Variants in STRBP observed in about 807,000 individuals in gnomAD.
The protein encoded by STRBP is spermatid perinuclear RNA binding protein.
A neutral mutation model predicts 80.1 loss-of-function variants in STRBP; 13 were observed. That is an observed-to-expected ratio of 0.16 (90% CI 0.11 to 0.26). The LOEUF (loss-of-function observed/expected upper bound fraction) is 0.26, where lower values mean the gene tolerates loss of function less well. STRBP is among the 10% of genes least tolerant of loss of function. STRBP has a pLI of 1.00. For missense variants in STRBP, 485 were observed against 815.2 expected (o/e 0.59, Z 4.93); for synonymous variants, 284 against 291.2 (o/e 0.98, Z 0.25).
At chr9:123,237,807 C>T (rs1195363782) in intron 1 of STRBP, among the ~76,000 whole-genome samples, 1 of 152,194 alleles carries the variant, frequency 6.6e-6, no homozygotes, top group Non-Finnish European at 1.5e-5. Flanking sequence ...AAATCCCAAA[C>T]AGGCACAAGC....
At chr9:123,159,301 C>T in intron 8 of STRBP, 94 bp from the exon 9 acceptor site, 1 of 768,384 alleles carries the variant, frequency 1.3e-6, no homozygotes, top group South Asian at 2.5e-5. Flanking sequence ...CAAGGGAGGC[C>T]AAAGAGTGAA....
Position 123,173,667 on chromosome 9 carries a change from C to T in STRBP, c.390+10G>A. On this transcript the variant is annotated intron_variant, in intron 5 of 18. Transcript: ENST00000348403. ...AAATTCGCCTAGAGGTGCAGTTAAA[C>T]TGTACTCACCTGAATCTGAATAGGA... The T allele has an allele frequency of 6.3e-7, 1 of 1,595,528 alleles. No homozygotes were observed.
intron 2 of STRBP, among the ~76,000 whole-genome samples, chr9:123,220,053 G>T (rs148483879): frequency 0.014 from 2,143 of 152,190 alleles, 51 homozygotes; most frequent in African/African-American, 0.049. Flanking sequence ...ATTCTAAAGG[G>T]TATTCTTCAG....
intron 1 of STRBP, among the ~76,000 whole-genome samples, chr9:123,251,413 G>A (rs758759471): frequency 3.3e-5 from 5 of 152,130 alleles, no homozygotes; most frequent in Non-Finnish European, 1.5e-5. Flanking sequence ...CTTGCCAAAG[G>A]TCACACAGTT....
At chr9:123,256,575 T>A (rs2041036271) in intron 1 of STRBP, among the ~76,000 whole-genome samples, 2 of 152,026 alleles carry the variant, frequency 1.3e-5, no homozygotes, top group South Asian at 4.1e-4. Flanking sequence ...GAAATAAATG[T>A]GAGCTATATA....
intron 2 of STRBP, among the ~76,000 whole-genome samples, chr9:123,192,888 A>T (rs2038971990): frequency 1.3e-5 from 2 of 152,186 alleles, no homozygotes; most frequent in South Asian, 4.1e-4. Flanking sequence ...TCAAATATTC[A>T]GTGGCATCCA....
Position 123,235,293 on chromosome 9 carries a change from GT to G in STRBP, c.-165+1536del, listed in dbSNP as rs201832130. ...GAAGGATAAGCCTTTTTTAATTTAG[GT>G]TTTTTTTTTTCATTTTGCAAATAAA... On this transcript the variant is annotated intron_variant, in intron 2 of 18. Transcript: ENST00000348403. 1.0e-2 allele frequency among the ~76,000 whole-genome samples: 1,440 copies of G among 144,130 alleles called. 9 individuals carry two copies. The highest frequency in any genetic ancestry group is 0.016 in the African/African-American group (612 of 39,464). 94.6% of individuals were successfully genotyped at this position (144,130 alleles called of 152,430 possible). A position where few individuals can be genotyped will look rare whatever the true frequency, so the allele number is the denominator to read the frequency against.
chr9:123,246,528 A>G (rs2132619040), intron 1 of STRBP, among the ~76,000 whole-genome samples: 1 of 152,202 alleles, frequency 6.6e-6, no homozygotes, highest in East Asian at 1.9e-4. Context: ...GTTTAGGGGG[A>G]TGAGATTCCA....
At chr9:123,185,901 G>A (rs1224801922) in intron 2 of STRBP, among the ~76,000 whole-genome samples, 4 of 151,502 alleles carry the variant, frequency 2.6e-5, no homozygotes, top group Non-Finnish European at 2.9e-5. Flanking sequence ...GCATGGTGGC[G>A]GGTGCCTGTA....
chr9:123,217,198 C>A (rs1259110160), intron 2 of STRBP, among the ~76,000 whole-genome samples: 2 of 152,134 alleles, frequency 1.3e-5, no homozygotes, highest in African/African-American at 4.8e-5. Flanking sequence ...GTTACTGATA[C>A]TATCTTGTAA....
At chr9:123,234,313 G>A (rs75931870) in intron 2 of STRBP, among the ~76,000 whole-genome samples, 272 of 149,756 alleles carry the variant, frequency 1.8e-3, no homozygotes, top group African/African-American at 6.5e-3. Context: ...CCAGTTTTCT[G>A]TTACCAAGAC....
At chr9:123,129,369 A>G (rs2036035240) in intron 17 of STRBP, among the ~76,000 whole-genome samples, 1 of 152,142 alleles carries the variant, frequency 6.6e-6, no homozygotes, top group South Asian at 2.1e-4. Flanking sequence ...TAATAATAAT[A>G]ATAACAACAA....
intron 7 of STRBP, 71 bp from the exon 8 acceptor site, chr9:123,160,533 G>C: frequency 8.4e-7 from 1 of 1,195,778 alleles, no homozygotes. Flanking sequence ...GTTCTTTCAA[G>C]TGAATACTAA....
At chr9:123,112,784 C>T (rs1430698766) in intron 3 of STRBP, 40 of 167,138 alleles carry the variant, frequency 2.4e-4, no homozygotes, top group Non-Finnish European at 1.5e-5. Context: ...GCCTGCTGAA[C>T]ACGGGCCTAG....
At chr9:123,155,963 G>A (rs187188967) in intron 11 of STRBP, among the ~76,000 whole-genome samples, 1 of 152,044 alleles carries the variant, frequency 6.6e-6, no homozygotes, top group East Asian at 1.9e-4. Flanking sequence ...GACTTGCCCA[G>A]GCCATATAAC....
Position 123,146,873 on chromosome 9 carries a change from T to C in STRBP, c.1320A>G (p.Lys440=). Residue 440 remains lysine (K), a synonymous_variant, in exon 13 of 19, where the codon AAA becomes AAG. Coordinates refer to ENST00000348403, the MANE Select transcript of STRBP (RefSeq NM_018387.5). ...ACTGTACCTTCACCGCTACGTGAAG[T>C]TTTGCTGTTTTCTTGGATGGTCCTG... ...EASGPSKKTA[K]LHVAVKVLQA... 6.2e-7 allele frequency: 1 copy of C among 1,612,424 alleles called. No homozygotes were observed. The highest frequency in any genetic ancestry group is 8.5e-7 in the Non-Finnish European group (1 of 1,178,882).
chr9:123,226,395 T>G (rs945125606), intron 2 of STRBP, among the ~76,000 whole-genome samples: 4 of 152,182 alleles, frequency 2.6e-5, no homozygotes, highest in Non-Finnish European at 5.9e-5. Context: ...TTTTTTATTA[T>G]TAAAAGGGAC....
chr9:123,130,526 C>T (rs985985586), intron 17 of STRBP, among the ~76,000 whole-genome samples: 1 of 152,032 alleles, frequency 6.6e-6, no homozygotes, highest in East Asian at 1.9e-4. Context: ...AAATGGTCCG[C>T]GGCAACAAGA....
chr9:123,260,635 G>C (rs1284299644), intron 1 of STRBP, among the ~76,000 whole-genome samples: 1 of 152,118 alleles, frequency 6.6e-6, no homozygotes, highest in Non-Finnish European at 1.5e-5. Context: ...TTGTGGTTAC[G>C]TGGTTTTTTT....
Sources: allele counts gnomAD v4.1 joint callset (sites outside exome capture counted in the v4.1 genomes callset), GRCh38; gene constraint gnomAD v4.1.1; transcripts MANE v1.5; gene names NCBI Gene and HGNC (gene_info 2026-07-23, HGNC 2026-07-21).